TTC7A: variants seen among roughly 807,000 people sequenced by gnomAD.
The protein encoded by TTC7A is tetratricopeptide repeat protein 7A.
In TTC7A, 110 loss-of-function variants were observed where a neutral mutation model predicts 103.7. The ratio of observed to expected loss-of-function variants is 1.06; its 90% CI spans 0.91 to 1.24. The LOEUF (loss-of-function observed/expected upper bound fraction) is 1.24, where lower values mean the gene tolerates loss of function less well. Ranked by LOEUF, TTC7A falls within the 50% of genes most tolerant of loss-of-function variation. TTC7A has a pLI of 0.00. For missense variants in TTC7A, 1,340 were observed against 1,116.3 expected (o/e 1.20, Z -2.86); for synonymous variants, 521 against 467.9 (o/e 1.11, Z -1.47).
intron 14 of TTC7A, among the ~76,000 whole-genome samples, chr2:47,028,324 TG>T (rs1450869417): frequency 1.3e-5 from 2 of 152,184 alleles, no homozygotes; most frequent in African/African-American, 2.4e-5. Flanking sequence ...CACTTGCAGG[TG>T]GGGCCCTGGC....
Position 46,941,718 on chromosome 2 carries a change from G to C in TTC7A, c.177G>C (p.Pro59=). Residue 59 remains proline, a synonymous_variant, in exon 1 of 20, where the codon CCG becomes CCC. Coordinates refer to ENST00000319190, the MANE Select transcript of TTC7A (RefSeq NM_020458.4). The surrounding 1 kb of genome is among the most constrained non-coding windows in gnomAD (Gnocchi z 4.2). ...GCCCGAGCGCAGCGTTCACCTTTCC[G>C]GACACCGGTGAGTAAGGGAAGAGGC... ...RGSPSAAFTF[P]DTDDFGKLLL... The C allele has an allele frequency of 6.5e-7, 1 of 1,550,084 alleles. No individual in the cohort carries two copies. The highest frequency in any genetic ancestry group is 8.7e-7 in the Non-Finnish European group (1 of 1,147,026).
At chr2:46,925,701 T>C (rs890753909) in intron 2 of TTC7A, among the ~76,000 whole-genome samples, 43 of 152,292 alleles carry the variant, frequency 2.8e-4, no homozygotes, top group Middle Eastern at 3.4e-3. Context: ...AAAAAACCCA[T>C]GTTTATTTTT....
intron 14 of TTC7A, 116 bp from the exon 15 acceptor site, chr2:47,029,108 A>G (rs1185754488): frequency 1.6e-6 from 2 of 1,256,598 alleles, no homozygotes; most frequent in East Asian, 2.4e-5. Flanking sequence ...CCCTGCCCCC[A>G]GTGCCTGGGG....
At chr2:46,952,890 A>T (rs13432713) in intron 2 of TTC7A, among the ~76,000 whole-genome samples, 17,743 of 152,148 alleles carry the variant, frequency 0.12, 1,654 homozygotes, top group African/African-American at 0.26. Flanking sequence ...ACACACAGAT[A>T]TTTCTTTTCA....
At chr2:46,946,764 C>T (rs1338153006) in intron 1 of TTC7A, among the ~76,000 whole-genome samples, 32 of 151,892 alleles carry the variant, frequency 2.1e-4, no homozygotes, top group Admixed American at 2.1e-3. Flanking sequence ...CTTCTAATTC[C>T]GAAACATCCT....
chr2:47,042,702 G>GTGTGTGTATATA (rs111460716), intron 15 of TTC7A, among the ~76,000 whole-genome samples: 2,701 of 142,644 alleles, frequency 0.019, 22 homozygotes, highest in Middle Eastern at 0.038. Flanking sequence ...GTGTGTGTGT[G>GTGTGTGTATATA]TATATATATG....
chr2:46,932,579 A>G (rs1669763220), intron 2 of TTC7A, among the ~76,000 whole-genome samples: 1 of 152,030 alleles, frequency 6.6e-6, no homozygotes. Flanking sequence ...AAAGAGGAAG[A>G]AAAGAAAGAG....
intron 8 of TTC7A, among the ~76,000 whole-genome samples, chr2:47,004,379 CAG>C (rs889908075): frequency 2.6e-5 from 4 of 152,284 alleles, no homozygotes; most frequent in Non-Finnish European, 5.9e-5. Context: ...CTGGAGGCCT[CAG>C]GGGCTTGGGC....
chr2:47,035,678 T>C (rs1051407813), intron 15 of TTC7A: 2 of 152,218 alleles, frequency 1.3e-5, no homozygotes, highest in African/African-American at 4.8e-5. Context: ...TACTTTCAGG[T>C]TTTGTTTTCA....
chr2:47,069,039 A>G (rs549280007), intron 19 of TTC7A, among the ~76,000 whole-genome samples: 1 of 152,124 alleles, frequency 6.6e-6, no homozygotes, highest in South Asian at 2.1e-4. Context: ...CTCACTCCCC[A>G]TCACGGGGAC....
chr2:47,051,738 C>G lies in TTC7A; in HGVS notation c.2018-8C>G. The G allele has an allele frequency of 3.1e-6, 5 of 1,607,798 alleles. No homozygotes were observed. The highest frequency in any genetic ancestry group is 1.1e-5 in the South Asian group (1 of 90,558). ...CCACTGCTCGGCTCGTGCCCTCTTG[C>G]TCTGCAGGCTCCCGGCGGGCTTCGT... On this transcript the variant is annotated splice_polypyrimidine_tract_variant and splice_region_variant and intron_variant, in intron 17 of 19. Coordinates refer to ENST00000319190, the MANE Select transcript of TTC7A (RefSeq NM_020458.4).
At chr2:46,945,221 A>G (rs1431467948) in intron 1 of TTC7A, among the ~76,000 whole-genome samples, 1 of 151,750 alleles carries the variant, frequency 6.6e-6, no homozygotes, top group East Asian at 1.9e-4. Flanking sequence ...AGCCTCCCAA[A>G]TGGCTGGGAT....
chr2:47,046,635 C>A (rs1485895445), intron 16 of TTC7A, among the ~76,000 whole-genome samples: 1 of 152,158 alleles, frequency 6.6e-6, no homozygotes, highest in Non-Finnish European at 1.5e-5. Context: ...CATAGAGACC[C>A]TACGTAGGAC....
At chr2:46,993,386 C>G (rs1251263663) in intron 5 of TTC7A, 64 bp from the exon 6 acceptor site, 1 of 1,516,014 alleles carries the variant, frequency 6.6e-7, no homozygotes, top group Non-Finnish European at 9.2e-7. Context: ...TGCTGGTGTG[C>G]TGAGAGCATC....
intron 9 of TTC7A, 105 bp downstream of exon 9, chr2:47,006,164 G>T (rs1677354942): frequency 6.8e-7 from 1 of 1,478,704 alleles, no homozygotes; most frequent in Non-Finnish European, 9.1e-7. Flanking sequence ...TCCCCTGCCA[G>T]GCTGCTCTGC....
At chr2:46,934,566 A>G (rs889674875) in intron 2 of TTC7A, among the ~76,000 whole-genome samples, 2 of 151,904 alleles carry the variant, frequency 1.3e-5, no homozygotes, top group Middle Eastern at 3.4e-3. Context: ...GAGCCACCCA[A>G]CCCGGCCTGT....
chr2:46,925,828 C>T (rs1189894865), intron 2 of TTC7A, among the ~76,000 whole-genome samples: 2 of 152,190 alleles, frequency 1.3e-5, no homozygotes, highest in Non-Finnish European at 2.9e-5. Flanking sequence ...TTTGTGGATA[C>T]AACCCATACT....
intron 2 of TTC7A, among the ~76,000 whole-genome samples, chr2:46,952,693 A>G (rs1197836368): frequency 6.6e-6 from 1 of 152,206 alleles, no homozygotes; most frequent in Admixed American, 6.5e-5. Flanking sequence ...TTGGGGCTGC[A>G]GTGAGTTGTG....
At chr2:46,925,415 G>A (rs776473477) in intron 2 of TTC7A, among the ~76,000 whole-genome samples, 11 of 152,082 alleles carry the variant, frequency 7.2e-5, no homozygotes, top group South Asian at 4.1e-4. Flanking sequence ...AAAATTAGCC[G>A]GGCATGGTGG....
Sources: gnomAD v4.1 joint callset for allele counts (sites outside exome capture counted in the v4.1 genomes callset) on GRCh38, gnomAD v4.1.1 for gene constraint, Gnocchi (gnomAD v3.1) non-coding constraint, MANE v1.5 for transcripts, NCBI Gene and HGNC (gene_info 2026-07-23, HGNC 2026-07-21) for gene names.